WDR83: variants seen among roughly 807,000 people sequenced by gnomAD.
The protein encoded by WDR83 is WD repeat domain 83, also known as WD repeat domain-containing protein 83.
In WDR83, 37 loss-of-function variants were observed where a neutral mutation model predicts 37.7. The ratio of observed to expected loss-of-function variants is 0.98; its 90% CI spans 0.76 to 1.29. WDR83 has a LOEUF of 1.29. WDR83 is among the 50% of genes most tolerant of loss of function. The probability of loss-of-function intolerance (pLI) is 0.00; values close to 1 mark genes in which losing one functional copy is unlikely to be tolerated. For synonymous variants in WDR83, 174 were observed against 181.1 expected, an observed-to-expected ratio of 0.96 and a Z score of 0.31; for missense variants, 445 against 414.4, an observed-to-expected ratio of 1.07 and a Z score of -0.64.
intron 2 of WDR83, 63 bp downstream of exon 2, chr19:12,668,690 C>T (rs2024325776): frequency 1.6e-6 from 2 of 1,277,616 alleles, no homozygotes; most frequent in Admixed American, 1.9e-5. Context: ...CCTTTCCAGA[C>T]ACCAGATCAT....
chr19:12,670,921 A>G, intron 7 of WDR83, 100 bp downstream of exon 7: 1 of 1,500,918 alleles, frequency 6.7e-7, no homozygotes, highest in South Asian at 1.3e-5. Context: ...GCACAGTGGC[A>G]CACAGCTGTA....
In WDR83 at chr19:12,670,185, T is replaced by C. The variant is rs376899680; in HGVS notation, c.230T>C (p.Phe77Ser). Reference sequence around the variant, plus strand: ...CTCCTCCTCCTTTACTCCAGCTCCTTTGACAACAGTAGTCTCTGCTCCGGC... The same window carrying C: ...CTCCTCCTCCTTTACTCCAGCTCCTCTGACAACAGTAGTCTCTGCTCCGGC... The part of the protein sequence containing the change: ...GYEVLDAAGS[F>S]DNSSLCSGGG... Residue 77 changes from phenylalanine to serine, a missense_variant, in exon 5 of 11, where the codon TTT (phenylalanine) becomes TCT (serine). Physicochemically the swap from Phe to Ser is radical, Grantham distance 155 (BLOSUM62 -2). Transcript: ENST00000418543. 3 of 1,613,572 alleles carry C rather than the reference T, an allele frequency of 1.9e-6. No homozygotes were observed. Among genetic ancestry groups the C allele is most frequent in the Non-Finnish European group, 1.7e-6 (2 of 1,179,760 alleles).
At chr19:12,668,094 C>T (rs2145300109) in intron 1 of WDR83, 1 of 430,664 alleles carries the variant, frequency 2.3e-6, no homozygotes, top group Non-Finnish European at 4.3e-6. Context: ...ACTTTATTAA[C>T]AACAGGTTTC....
At position 12,666,857 on chromosome 19, in the gene WDR83, G is replaced by T. The variant is rs1246470097; in HGVS notation, c.-292G>T. The stretch of plus-strand genomic sequence containing the variant: ...GGCTGTAGCCCTGGGCAATCCCGGG[G>T]GTCGTTACAGGAAGGTAGGAAAATG... On this transcript the variant is annotated 5_prime_UTR_variant, in exon 1 of 11. Transcript: ENST00000418543. 5.7e-6 allele frequency: 4 copies of T among 701,000 alleles called. No individual in the cohort carries two copies. Among genetic ancestry groups the T allele is most frequent in the Admixed American group, 3.0e-5 (1 of 33,650 alleles). 43.4% of individuals were successfully genotyped at this position (701,000 alleles called of 1,614,324 possible). A position where few individuals can be genotyped will look rare whatever the true frequency, so the allele number is the denominator to read the frequency against.
rs1198465874 is a variant in WDR83 at position 12,670,832 on chromosome 19, C to CCA, written c.506+12_506+13dup. On this transcript the variant is annotated intron_variant, in intron 7 of 10. Transcript: ENST00000418543. The stretch of plus-strand genomic sequence containing the variant: ...CGAGATCCTGGCAGGGTGAGTGGAG[C>CCA]CAGGACCTGGTCTCACCCCAGGTGC... 1.2e-6 allele frequency: 2 copies of CCA among 1,610,058 alleles called. No individual in the cohort carries two copies. Among genetic ancestry groups the CCA allele is most frequent in the Non-Finnish European group, 1.7e-6 (2 of 1,178,474 alleles).
chr19:12,670,197 GTC>G lies in WDR83; in HGVS notation c.246_247del (p.Cys83LeufsTer35). On this transcript the variant is annotated frameshift_variant, in exon 5 of 11. Transcript: ENST00000418543. LOFTEE classifies it high-confidence loss of function. ...TACTCCAGCTCCTTTGACAACAGTA[GTC>G]TCTGCTCCGGCGGCGGGGACAAGGC... 3 of 1,614,070 alleles carry G rather than the reference GTC, an allele frequency of 1.9e-6. No individual in the cohort carries two copies. Among genetic ancestry groups the G allele is most frequent in the Non-Finnish European group, 2.5e-6 (3 of 1,180,008 alleles).
chr19:12,675,561 G>C lies in WDR83; in HGVS notation c.837G>C (p.Val279=), dbSNP rs763990317. 2 of 1,606,332 alleles carry C rather than the reference G, an allele frequency of 1.2e-6. No homozygotes were observed. The highest frequency in any genetic ancestry group is 1.7e-6 in the Non-Finnish European group (2 of 1,179,984). Residue 279 remains valine, a synonymous_variant, in exon 11 of 11, where the codon GTG becomes GTC. Transcript: ENST00000418543. ...TGGCCCTGCCTGTGGGTTCCGGTGTGGTGCAGTCGCTGGCCTACCACCCAA... is the reference window on the plus strand; with the variant it reads ...TGGCCCTGCCTGTGGGTTCCGGTGTCGTGCAGTCGCTGGCCTACCACCCAA... ...LALALPVGSG[V]VQSLAYHPTE...
Position 12,670,742 on chromosome 19 carries a change from C to T in WDR83, c.427C>T (p.Pro143Ser), listed in dbSNP as rs764953656. The T allele has an allele frequency of 6.8e-6, 11 of 1,614,188 alleles. No individual in the cohort carries two copies. The highest frequency in any genetic ancestry group is 9.3e-6 in the Non-Finnish European group (11 of 1,180,028). The change falls in exon 7 of 11, where the codon CCT becomes TCT. Residue 143 changes from proline (P) to serine (S), a missense_variant. Pro to Ser is a moderately conservative substitution (Grantham distance 74). Coordinates refer to ENST00000418543, the MANE Select transcript of WDR83 (RefSeq NM_001099737.3). Reference protein sequence around the residue: ...IRCWDCRSRRPEPVQTLDEAR... With the variant: ...IRCWDCRSRRSEPVQTLDEAR... Reference sequence around the variant, plus strand: ...CTGTTGGGATTGCCGCTCACGGAGGCCTGAGCCAGTGCAGACGCTGGATGA... The same window carrying T: ...CTGTTGGGATTGCCGCTCACGGAGGTCTGAGCCAGTGCAGACGCTGGATGA...
chr19:12,671,955 CAA>C (rs1423138963), intron 7 of WDR83, among the ~76,000 whole-genome samples: 4 of 152,296 alleles, frequency 2.6e-5, no homozygotes, highest in African/African-American at 9.6e-5. Flanking sequence ...CCTGGCCTCC[CAA>C]AGAGCTGGAA....
chr19:12,669,474 G>A (rs1186992428), intron 2 of WDR83: 4 of 1,535,142 alleles, frequency 2.6e-6, no homozygotes, highest in African/African-American at 1.4e-5. Context: ...AGCTGAGGGC[G>A]GATTTTAGAG....
At chr19:12,672,814 C>A in intron 7 of WDR83, 33 bp from the exon 8 acceptor site, 1 of 1,556,646 alleles carries the variant, frequency 6.4e-7, no homozygotes, top group South Asian at 1.2e-5. Context: ...TGAGTGTAGT[C>A]AAGGTTCCCG....
chr19:12,675,606 C>T lies in WDR83; in HGVS notation c.882C>T (p.Thr294=), dbSNP rs574348007. The part of the protein sequence containing the change: ...AYHPTEPCLL[T]AMGGSVQCWR... ...ACCCAACAGAGCCCTGCCTGCTGAC[C>T]GCCATGGGAGGCAGCGTCCAGTGCT... Residue 294 remains threonine (T), a synonymous_variant, in exon 11 of 11, where the codon ACC becomes ACT. Coordinates refer to ENST00000418543, the MANE Select transcript of WDR83 (RefSeq NM_001099737.3). The T allele has an allele frequency of 1.8e-5, 29 of 1,604,604 alleles. No individual in the cohort carries two copies. Among genetic ancestry groups the T allele is most frequent in the Admixed American group, 8.3e-5 (5 of 59,986 alleles).
At chr19:12,672,566 C>T (rs1317347578) in intron 7 of WDR83, 1 of 454,748 alleles carries the variant, frequency 2.2e-6, no homozygotes, top group South Asian at 2.2e-5. Flanking sequence ...CAAGATCATG[C>T]CATTGCACTC....
chr19:12,668,386 A>C, intron 1 of WDR83, 122 bp from the exon 2 acceptor site: 1 of 1,613,460 alleles, frequency 6.2e-7, no homozygotes, highest in Non-Finnish European at 8.5e-7. Context: ...TGGGCTGAGG[A>C]TTCTGCAGAT....
rs560866055 is a variant in WDR83, at chr19:12,675,777, G to T, written c.*105G>T. On this transcript the variant is annotated 3_prime_UTR_variant, in exon 11 of 11. Transcript: ENST00000418543. ...GTAGCTGACCAAAAAGTAGGGGAGGGGCTGGGTCTGCAAATTAATAAATAG... is the reference window on the plus strand; with the variant it reads ...GTAGCTGACCAAAAAGTAGGGGAGGTGCTGGGTCTGCAAATTAATAAATAG... 4 of 1,566,078 alleles carry T rather than the reference G, an allele frequency of 2.6e-6. No individual in the cohort carries two copies. Among genetic ancestry groups the T allele is most frequent in the Non-Finnish European group, 3.5e-6 (4 of 1,154,022 alleles).
chr19:12,670,270 C>A lies in WDR83; in HGVS notation c.315C>A (p.Phe105Leu). Reference sequence around the variant, plus strand: ...CATCAGGGCAGGTCGTGCGCAAATTCCGGGGCCACGCAGGGGTGAGTGAAA... The same window carrying A: ...CATCAGGGCAGGTCGTGCGCAAATTACGGGGCCACGCAGGGGTGAGTGAAA... ...DVASGQVVRK[F>L]RGHAGKVNTV... Residue 105 changes from phenylalanine to leucine, a missense_variant, in exon 5 of 11, where the codon TTC becomes TTA. Transcript: ENST00000418543. 2 of 1,614,036 alleles carry A rather than the reference C, an allele frequency of 1.2e-6. No individual in the cohort carries two copies. Among genetic ancestry groups the A allele is most frequent in the Non-Finnish European group, 8.5e-7 (1 of 1,179,966 alleles).
At chr19:12,671,082 C>A in intron 7 of WDR83, 3 of 391,284 alleles carry the variant, frequency 7.7e-6, no homozygotes, top group Non-Finnish European at 9.4e-6. Context: ...AATCCCAGCA[C>A]TTTGGGAGGC....
In WDR83 at chr19:12,675,453, T is replaced by A. The variant is rs942885208; in HGVS notation, c.799-70T>A. 20 of 1,550,676 alleles carry A rather than the reference T, an allele frequency of 1.3e-5. 1 individual carries two copies. Among genetic ancestry groups the A allele is most frequent in the Middle Eastern group, 4.7e-4 (2 of 4,248 alleles). On this transcript the variant is annotated intron_variant, in intron 10 of 10. Coordinates refer to ENST00000418543, the MANE Select transcript of WDR83 (RefSeq NM_001099737.3). ...CTTCAGGCAGGACTGAGATGGGGGGTGCCCAGGGACCTCAGAAACCAGGGT... is the reference window on the plus strand; with the variant it reads ...CTTCAGGCAGGACTGAGATGGGGGGAGCCCAGGGACCTCAGAAACCAGGGT...
intron 2 of WDR83, chr19:12,668,976 C>T: frequency 1.3e-6 from 1 of 785,690 alleles, no homozygotes; most frequent in Non-Finnish European, 2.1e-6. Flanking sequence ...AAGACTGGGG[C>T]TTTCTCGGCC....
Sources: allele counts gnomAD v4.1 joint callset (sites outside exome capture counted in the v4.1 genomes callset), GRCh38; gene constraint gnomAD v4.1.1; transcripts MANE v1.5; gene names NCBI Gene and HGNC (gene_info 2026-07-23, HGNC 2026-07-21).